The following PLAG1 variants were observed in gnomAD, a reference collection of about 807,000 sequenced individuals.
PLAG1 encodes zinc finger protein PLAG1.
A neutral mutation model predicts 35.5 loss-of-function variants in PLAG1; 7 were observed. The observed-to-expected ratio is 0.20, with a 90% CI of 0.11 to 0.37. The LOEUF (loss-of-function observed/expected upper bound fraction) is 0.37. Ranked by LOEUF, PLAG1 falls within the 10% of genes least tolerant of loss-of-function variation. PLAG1 has a pLI of 1.00. For missense variants in PLAG1, 454 were observed against 602.8 expected, an observed-to-expected ratio of 0.75 and a Z score of 2.58; for synonymous variants, 229 against 225.4, an observed-to-expected ratio of 1.02 and a Z score of -0.14.
rs1811335347 is a variant in PLAG1, at chr8:56,165,778, T to C, written c.*465A>G. 1 of 195,520 alleles carries C rather than the reference T, an allele frequency of 5.1e-6. No individual in the cohort carries two copies. The highest frequency in any genetic ancestry group is 1.8e-3 in the Middle Eastern group (1 of 546). 12.1% of individuals were successfully genotyped at this position (195,520 alleles called of 1,614,324 possible). ...TTAATTCATTTGAAGCACTTGATTA[T>C]TAATCCATTTAGAAGCTAGTAAGAA... On this transcript the variant is annotated 3_prime_UTR_variant, in exon 5 of 5. Transcript: ENST00000316981.
At chr8:56,187,378 T>C (rs1812050635) in intron 1 of PLAG1, among the ~76,000 whole-genome samples, 2 of 152,182 alleles carry the variant, frequency 1.3e-5, no homozygotes, top group African/African-American at 4.8e-5. Flanking sequence ...TGCAGGGGAA[T>C]AGCAGCAGAG....
At chr8:56,173,699 T>C (rs1811601066) in intron 2 of PLAG1, among the ~76,000 whole-genome samples, 2 of 152,084 alleles carry the variant, frequency 1.3e-5, no homozygotes, top group Admixed American at 6.6e-5. Flanking sequence ...CATACACCCA[T>C]TTCAAATCAC....
At chr8:56,179,861 A>G (rs971043419) in intron 1 of PLAG1, among the ~76,000 whole-genome samples, 3 of 152,078 alleles carry the variant, frequency 2.0e-5, no homozygotes, top group African/African-American at 7.2e-5. Flanking sequence ...TTTCAGAAAA[A>G]CCTTTTGTGG....
Position 56,179,507 on chromosome 8 carries a change from A to G in PLAG1, c.-315T>C. ...CAAATACGGCCAAGGCAGCACCAAG[A>G]GGCAACCTAAAAAGAAAAGAAGAGT... On this transcript the variant is annotated 5_prime_UTR_variant, in exon 2 of 5. Coordinates refer to ENST00000316981, the MANE Select transcript of PLAG1 (RefSeq NM_002655.3). 2 of 941,724 alleles carry G rather than the reference A, an allele frequency of 2.1e-6. No individual in the cohort carries two copies. Among genetic ancestry groups the G allele is most frequent in the Non-Finnish European group, 2.5e-6 (2 of 789,630 alleles). The allele number at this position is 941,724 out of a possible 1,614,324, so 58.3% of individuals were successfully genotyped here. A position where few individuals can be genotyped will look rare whatever the true frequency, so the allele number is the denominator to read the frequency against.
chr8:56,192,315 A>G (rs1812207634), intron 1 of PLAG1, among the ~76,000 whole-genome samples: 1 of 152,210 alleles, frequency 6.6e-6, no homozygotes, highest in Non-Finnish European at 1.5e-5. Context: ...AGACACCCAT[A>G]AAGATTCATG....
intron 1 of PLAG1, among the ~76,000 whole-genome samples, chr8:56,207,665 C>A (rs558058808): frequency 2.6e-5 from 4 of 152,016 alleles, no homozygotes; most frequent in African/African-American, 9.6e-5. Context: ...GAGGTTTCTC[C>A]GATTCCAACT....
chr8:56,184,405 T>TTTTGAAAAACAGTTTGGCAATTTA (rs1811960427), intron 1 of PLAG1, among the ~76,000 whole-genome samples: 1 of 152,198 alleles, frequency 6.6e-6, no homozygotes, highest in South Asian at 2.1e-4. Flanking sequence ...GGTACAATTG[T>TTTTGAAAAACAGTTTGGCAATTTA]TTTGAAAAAC....
chr8:56,200,603 CT>C (rs1417534170), intron 1 of PLAG1, among the ~76,000 whole-genome samples: 1 of 152,210 alleles, frequency 6.6e-6, no homozygotes, highest in Admixed American at 6.5e-5. Context: ...GTAATAAAGG[CT>C]TTTCACAATC....
At chr8:56,189,792 A>T (rs1812129176) in intron 1 of PLAG1, among the ~76,000 whole-genome samples, 2 of 152,132 alleles carry the variant, frequency 1.3e-5, no homozygotes, top group African/African-American at 4.8e-5. Context: ...GTGAGGCTGG[A>T]GAGGTGGGGA....
chr8:56,183,981 G>A (rs537984698), intron 1 of PLAG1, among the ~76,000 whole-genome samples: 17 of 152,134 alleles, frequency 1.1e-4, no homozygotes, highest in African/African-American at 3.6e-4. Context: ...CTGATAAGTC[G>A]GATTTCATCA....
intron 1 of PLAG1, among the ~76,000 whole-genome samples, chr8:56,184,222 G>A (rs66553445): frequency 0.14 from 21,726 of 152,114 alleles, 1,789 homozygotes; most frequent in Middle Eastern, 0.19. Context: ...GAATGGTAAA[G>A]GAGCACACGA....
chr8:56,168,226 G>A lies in PLAG1; in HGVS notation c.44C>T (p.Thr15Ile), dbSNP rs764682542. ...IPGDLSEVRD[T>I]QKVPSGKRKR... is the part of the protein sequence containing the mutation. ...ACGTTTCCCTGAAGGGACTTTCTGG[G>A]TATCTCTTACTTCTGACAAATCACC... is the stretch of plus-strand genomic sequence containing the variant. Residue 15 changes from threonine to isoleucine, a missense_variant, in exon 4 of 5, where the codon ACC becomes ATC. By Grantham distance (89) the Thr-to-Ile change is moderately conservative. Coordinates refer to ENST00000316981, the MANE Select transcript of PLAG1 (RefSeq NM_002655.3). 1.2e-6 allele frequency: 2 copies of A among 1,613,552 alleles called. No homozygotes were observed. Among genetic ancestry groups the A allele is most frequent in the Admixed American group, 1.7e-5 (1 of 59,958 alleles).
chr8:56,187,641 A>G (rs1812058608), intron 1 of PLAG1, among the ~76,000 whole-genome samples: 2 of 152,324 alleles, frequency 1.3e-5, no homozygotes, highest in South Asian at 4.1e-4. Context: ...CCTGATATGG[A>G]TTTAAAAAAT....
At chr8:56,184,731 A>C (rs1201784944) in intron 1 of PLAG1, among the ~76,000 whole-genome samples, 1 of 152,208 alleles carries the variant, frequency 6.6e-6, no homozygotes, top group African/African-American at 2.4e-5. Context: ...AGCCTGGGCA[A>C]CATGGTGAAA....
At chr8:56,172,815 CA>C (rs1811570552) in intron 2 of PLAG1, among the ~76,000 whole-genome samples, 1 of 152,264 alleles carries the variant, frequency 6.6e-6, no homozygotes, top group Non-Finnish European at 1.5e-5. Flanking sequence ...CTTAAAAGAT[CA>C]AAAGAGGGGA....
At position 56,167,895 on chromosome 8, in the gene PLAG1, A is replaced by G; in HGVS notation, c.242+133T>C. ...ATTTAGAATACTAAAAACTAAACCA[A>G]TGTCTAATCTACTTAACATTTCCTC... On this transcript the variant is annotated intron_variant, in intron 4 of 4. Coordinates refer to ENST00000316981, the MANE Select transcript of PLAG1 (RefSeq NM_002655.3). The surrounding 1 kb of genome is among the most constrained non-coding windows in gnomAD (Gnocchi z 5.9). 1.7e-6 allele frequency: 1 copy of G among 571,530 alleles called. No homozygotes were observed. Among genetic ancestry groups the G allele is most frequent in the African/African-American group, 1.9e-5 (1 of 53,586 alleles). The allele number at this position is 571,530 out of a possible 1,614,324, so 35.4% of individuals were successfully genotyped here. A position where few individuals can be genotyped will look rare whatever the true frequency, so the allele number is the denominator to read the frequency against.
intron 3 of PLAG1, among the ~76,000 whole-genome samples, chr8:56,170,844 T>C (rs1044851920): frequency 1.1e-4 from 17 of 152,200 alleles, no homozygotes; most frequent in Admixed American, 6.5e-5. Flanking sequence ...TACTGAGCAA[T>C]GAAGATTGCA....
intron 2 of PLAG1, among the ~76,000 whole-genome samples, chr8:56,173,996 C>A (rs778074019): frequency 6.6e-6 from 1 of 152,144 alleles, no homozygotes; most frequent in Non-Finnish European, 1.5e-5. Context: ...ATTTTAAATT[C>A]CATAGTTCTG....
At position 56,178,263 on chromosome 8, in the gene PLAG1, G is replaced by A. The variant is rs1009632948; in HGVS notation, c.-217+1146C>T. Among the ~76,000 whole-genome samples the A allele has an allele frequency of 2.6e-5, 4 of 152,132 alleles. No individual in the cohort carries two copies. In the East Asian group the frequency reaches 7.7e-4, roughly 29 times the overall value. ...TTACAGATATAGGAGAATAAAAAAG[G>A]AGAAAACCTGCATAAATTTAGTTTG... On this transcript the variant is annotated intron_variant, in intron 2 of 4. Transcript: ENST00000316981.
Sources: allele counts gnomAD v4.1 joint callset (sites outside exome capture counted in the v4.1 genomes callset), GRCh38; gene constraint gnomAD v4.1.1; non-coding constraint Gnocchi (gnomAD v3.1); transcripts MANE v1.5; gene names NCBI Gene and HGNC (gene_info 2026-07-23, HGNC 2026-07-21).